Variants in EPAS1 observed in about 807,000 individuals in gnomAD.
The protein encoded by EPAS1 is endothelial PAS domain-containing protein 1.
Under a neutral mutation model 87.9 loss-of-function variants are expected in EPAS1, and 23 were observed. That is an observed-to-expected ratio of 0.26 (90% CI 0.19 to 0.37). The LOEUF is 0.37. Among genes scored for constraint, EPAS1 ranks in the 10% least tolerant of loss-of-function variants. The pLI, the probability that EPAS1 is intolerant of heterozygous loss-of-function variation, is 1.00. For synonymous variants in EPAS1, 508 were observed against 444.3 expected (o/e 1.14, Z -1.80); for missense variants, 1,138 against 1,120.7 (o/e 1.02, Z -0.22).
chr2:46,339,941 C>T (rs1279089492), intron 1 of EPAS1, among the ~76,000 whole-genome samples: 2 of 152,202 alleles, frequency 1.3e-5, no homozygotes, highest in African/African-American at 4.8e-5. Context: ...CCCAACGGTT[C>T]CACCTTCAGA....
chr2:46,344,829 G>A (rs2104869911), intron 1 of EPAS1, among the ~76,000 whole-genome samples: 1 of 152,334 alleles, frequency 6.6e-6, no homozygotes, highest in African/African-American at 2.4e-5. Context: ...ATCAACAGCT[G>A]TTGGACGATT....
At position 46,371,722 on chromosome 2, in the gene EPAS1, C is replaced by A. The variant is rs1185717480; in HGVS notation, c.886+1789C>A. Reference sequence around the variant, plus strand: ...CATCCAGGCACTGGGACTTAGCGGCCCAGGCTCTGGCCCAGCCGACCCACT... The same window carrying A: ...CATCCAGGCACTGGGACTTAGCGGCACAGGCTCTGGCCCAGCCGACCCACT... On this transcript the variant is annotated intron_variant, in intron 7 of 15. Coordinates refer to ENST00000263734, the MANE Select transcript of EPAS1 (RefSeq NM_001430.5). The surrounding 1 kb of genome is among the most constrained non-coding windows in gnomAD (Gnocchi z 4.3). Among the ~76,000 whole-genome samples, 2 of 152,178 alleles carry A rather than the reference C, an allele frequency of 1.3e-5. No individual in the cohort carries two copies. Among genetic ancestry groups the A allele is most frequent in the African/African-American group, 2.4e-5 (1 of 41,442 alleles).
intron 1 of EPAS1, among the ~76,000 whole-genome samples, chr2:46,306,299 T>A (rs1341600667): frequency 6.6e-6 from 1 of 152,196 alleles, no homozygotes. Context: ...TGCCTCTGGT[T>A]AGGGGGCAGG....
intron 9 of EPAS1, 114 bp downstream of exon 9, chr2:46,376,867 C>T: frequency 9.1e-7 from 1 of 1,095,868 alleles, no homozygotes. Flanking sequence ...CTACCCCAGC[C>T]CCCCAAGTCT....
In EPAS1 at chr2:46,297,814, C is replaced by T; in HGVS notation, c.-98C>T. 1.3e-6 allele frequency: 2 copies of T among 1,528,164 alleles called. No homozygotes were observed. Among genetic ancestry groups the T allele is most frequent in the Middle Eastern group, 2.0e-4 (1 of 5,040 alleles). The allele number at this position is 1,528,164 out of a possible 1,614,324, so 94.7% of individuals were successfully genotyped here. A position where few individuals can be genotyped will look rare whatever the true frequency, so the allele number is the denominator to read the frequency against. ...TGCGCGCACCTCGGACCTTCACCACCCGCCCGGGCCGCGGGGAGCGGACGA... is the reference window on the plus strand; with the variant it reads ...TGCGCGCACCTCGGACCTTCACCACTCGCCCGGGCCGCGGGGAGCGGACGA... On this transcript the variant is annotated 5_prime_UTR_variant, in exon 1 of 16. Coordinates refer to ENST00000263734, the MANE Select transcript of EPAS1 (RefSeq NM_001430.5).
In EPAS1 at chr2:46,380,253, G is replaced by A. The variant is rs1684855445; in HGVS notation, c.1581G>A (p.Glu527=). The change falls in exon 12 of 16, where the codon GAG becomes GAA. Residue 527 remains glutamate (E), a synonymous_variant. Transcript: ENST00000263734. This position sits in a 1 kb window ranked among gnomAD's most constrained non-coding sequence, Gnocchi z 4.4. ...CGGATTTCAATGAGCTGGACTTGGA[G>A]ACACTGGCACCCTATATCCCCATGG... ...TQTDFNELDL[E]TLAPYIPMDG... 1 of 1,613,146 alleles carries A rather than the reference G, an allele frequency of 6.2e-7. No homozygotes were observed. The highest frequency in any genetic ancestry group is 8.5e-7 in the Non-Finnish European group (1 of 1,180,010).
rs1255451320 is a variant in EPAS1, at chr2:46,360,585, A to G, written c.455-53A>G. On this transcript the variant is annotated intron_variant, in intron 4 of 15. Transcript: ENST00000263734. This position sits in a 1 kb window ranked among gnomAD's most constrained non-coding sequence, Gnocchi z 4.5. Reference sequence around the variant, plus strand: ...AAACTGCAGCTGGGCCCCTCTCATGAATATCCATATAAAACTGACTTCAGC... The same window carrying G: ...AAACTGCAGCTGGGCCCCTCTCATGGATATCCATATAAAACTGACTTCAGC... 55 of 1,495,552 alleles carry G rather than the reference A, an allele frequency of 3.7e-5. No homozygotes were observed. Among genetic ancestry groups the G allele is most frequent in the Non-Finnish European group, 5.0e-5 (54 of 1,072,396 alleles). 92.6% of individuals were successfully genotyped at this position (1,495,552 alleles called of 1,614,324 possible).
chr2:46,368,279 T>C (rs1572642408), intron 6 of EPAS1, among the ~76,000 whole-genome samples: 1 of 151,860 alleles, frequency 6.6e-6, no homozygotes, highest in South Asian at 2.1e-4. Context: ...GTCCTGGAGG[T>C]GTCAGGGCTT....
intron 1 of EPAS1, among the ~76,000 whole-genome samples, chr2:46,341,307 G>C (rs933282258): frequency 9.2e-5 from 14 of 152,218 alleles, no homozygotes; most frequent in African/African-American, 2.9e-4. Flanking sequence ...AACGGGGTGG[G>C]TAAACTGGAT....
Position 46,380,186 on chromosome 2 carries a change from A to G in EPAS1, c.1555-41A>G, listed in dbSNP as rs1366889832. The G allele has an allele frequency of 6.2e-7, 1 of 1,602,002 alleles. No individual in the cohort carries two copies. The highest frequency in any genetic ancestry group is 1.3e-5 in the African/African-American group (1 of 74,878). On this transcript the variant is annotated intron_variant, in intron 11 of 15. Transcript: ENST00000263734. The surrounding 1 kb of genome is among the most constrained non-coding windows in gnomAD (Gnocchi z 4.4). ...GTTGGAATAGTGTTTGTGAGGTCGT[A>G]CCAACCCCCTTGCCTCTTTGCCGGT...
At chr2:46,369,771 C>A in intron 6 of EPAS1, 56 bp from the exon 7 acceptor site, 1 of 1,318,344 alleles carries the variant, frequency 7.6e-7, no homozygotes, top group Non-Finnish European at 1.1e-6. Flanking sequence ...TGCCCACATG[C>A]TGTGCTAAGT....
At chr2:46,310,580 G>T (rs1683190682) in intron 1 of EPAS1, among the ~76,000 whole-genome samples, 1 of 152,218 alleles carries the variant, frequency 6.6e-6, no homozygotes, top group African/African-American at 2.4e-5. Flanking sequence ...GGGAAAAAAG[G>T]AGCCGTCTTC....
intron 1 of EPAS1, 79 bp downstream of exon 1, chr2:46,298,016 G>C: frequency 6.4e-7 from 1 of 1,561,458 alleles, no homozygotes; most frequent in Admixed American, 1.8e-5. Context: ...GACCGAGAGT[G>C]GTTGGGAGAA....
Position 46,297,555 on chromosome 2 carries a change from G to T in EPAS1, c.-357G>T. ...CGACTCCTTCCGACTCCCAGCATTC[G>T]AGCCACTTTTTTTTTTCTTTGAAAA... On this transcript the variant is annotated 5_prime_UTR_variant, in exon 1 of 16. Coordinates refer to ENST00000263734, the MANE Select transcript of EPAS1 (RefSeq NM_001430.5). 1 of 322,392 alleles carries T rather than the reference G, an allele frequency of 3.1e-6. No individual in the cohort carries two copies. The highest frequency in any genetic ancestry group is 5.9e-6 in the Non-Finnish European group (1 of 170,148). The allele number at this position is 322,392 out of a possible 1,614,324, so 20.0% of individuals were successfully genotyped here. A position where few individuals can be genotyped will look rare whatever the true frequency, so the allele number is the denominator to read the frequency against.
In EPAS1 at chr2:46,356,132, C is replaced by CA. The variant is rs773588037; in HGVS notation, c.218-18dup. On this transcript the variant is annotated intron_variant, in intron 2 of 15. Transcript: ENST00000263734. Reference sequence around the variant, plus strand: ...CACTCCACATTCATGCAAGCTGTCCCACCCCCCCCCCTTTCCAGTTTGCTC... The same window carrying CA: ...CACTCCACATTCATGCAAGCTGTCCCAACCCCCCCCCCTTTCCAGTTTGCTC... 7.8e-6 allele frequency: 10 copies of CA among 1,282,608 alleles called. No homozygotes were observed. The highest frequency in any genetic ancestry group is 1.9e-5 in the African/African-American group (1 of 51,336). 79.5% of individuals were successfully genotyped at this position (1,282,608 alleles called of 1,614,324 possible).
At chr2:46,373,947 G>C (rs1219522962) in intron 7 of EPAS1, among the ~76,000 whole-genome samples, 1 of 152,210 alleles carries the variant, frequency 6.6e-6, no homozygotes, top group Non-Finnish European at 1.5e-5. Context: ...ATAACAACAG[G>C]CACCCCATGG....
chr2:46,379,830 A>G, intron 11 of EPAS1: 1 of 279,138 alleles, frequency 3.6e-6, no homozygotes, highest in South Asian at 4.5e-5. Context: ...GGACAAAAAA[A>G]AGCCACAGTG....
chr2:46,349,103 A>G (rs35706639), intron 2 of EPAS1, among the ~76,000 whole-genome samples: 20,015 of 152,152 alleles, frequency 0.13, 1,781 homozygotes, highest in Non-Finnish European at 0.19. Context: ...AAACCTGGTC[A>G]GGCAAAGATG....
chr2:46,378,931 C>T (rs938015190), intron 11 of EPAS1, among the ~76,000 whole-genome samples, 164 bp downstream of exon 11: 2 of 152,170 alleles, frequency 1.3e-5, no homozygotes, highest in East Asian at 1.9e-4. Context: ...GGTAATGGAG[C>T]CTGTGGTCAC....
Sources: gnomAD v4.1 joint callset for allele counts (sites outside exome capture counted in the v4.1 genomes callset) on GRCh38, gnomAD v4.1.1 for gene constraint, Gnocchi (gnomAD v3.1) non-coding constraint, MANE v1.5 for transcripts, NCBI Gene and HGNC (gene_info 2026-07-23, HGNC 2026-07-21) for gene names.